The following ABCB5 variants were observed in gnomAD, a reference collection of about 807,000 sequenced individuals.
ABCB5 encodes the protein ATP binding cassette subfamily B member 5.
ABCB5 carries 155 observed loss-of-function variants against 144.2 expected under a neutral mutation model. The ratio of observed to expected loss-of-function variants is 1.08; its 90% CI spans 0.94 to 1.23. The LOEUF (loss-of-function observed/expected upper bound fraction) is 1.23, where lower values mean the gene tolerates loss of function less well. Among genes scored for constraint, ABCB5 ranks in the 50% most tolerant of loss-of-function variants. The pLI, the probability that ABCB5 is intolerant of heterozygous loss-of-function variation, is 0.00. For synonymous variants in ABCB5, 610 were observed against 528.6 expected (o/e 1.15, Z -2.11); for missense variants, 1,830 against 1,520.8 (o/e 1.20, Z -3.38).
At chr7:20,668,436 C>T (rs1483198479) in intron 14 of ABCB5, among the ~76,000 whole-genome samples, 6 of 151,292 alleles carry the variant, frequency 4.0e-5, no homozygotes, top group African/African-American at 9.7e-5. Flanking sequence ...AGGTGAGGAG[C>T]GTCTCTGCCC....
chr7:20,737,764 C>G (rs574783977), intron 23 of ABCB5, among the ~76,000 whole-genome samples: 1 of 150,226 alleles, frequency 6.7e-6, no homozygotes, highest in African/African-American at 2.4e-5. Context: ...AAAAAAAAAA[C>G]CTTCTGATTT....
chr7:20,645,915 T>C (rs771985104), intron 8 of ABCB5, 35 bp downstream of exon 8: 2 of 1,612,624 alleles, frequency 1.2e-6, no homozygotes, highest in South Asian at 2.2e-5. Context: ...ATATGCTTGG[T>C]TTTATTTTCC....
intron 27 of ABCB5, among the ~76,000 whole-genome samples, chr7:20,753,764 C>G (rs192757885): frequency 2.6e-5 from 4 of 152,096 alleles, no homozygotes; most frequent in Non-Finnish European, 5.9e-5. Flanking sequence ...AAAAGTGGAC[C>G]AATTTTCAAA....
chr7:20,621,779 G>A (rs911273994), intron 1 of ABCB5, among the ~76,000 whole-genome samples: 1 of 152,134 alleles, frequency 6.6e-6, no homozygotes, highest in African/African-American at 2.4e-5. Context: ...TCAACGCCTT[G>A]CGTAAAGTAT....
In ABCB5 at chr7:20,704,720, C is replaced by G. The variant is rs1297243633; in HGVS notation, c.2338-4C>G. Reference sequence around the variant, plus strand: ...AACCATATGTTAATTCTCCTTTTCTCTAGGATATTGCCTGGTTTGATGAAA... The same window carrying G: ...AACCATATGTTAATTCTCCTTTTCTGTAGGATATTGCCTGGTTTGATGAAA... On this transcript the variant is annotated splice_polypyrimidine_tract_variant and splice_region_variant and intron_variant, in intron 19 of 27. Coordinates refer to ENST00000404938, the MANE Select transcript of ABCB5 (RefSeq NM_001163941.2). 18 of 1,611,804 alleles carry G rather than the reference C, an allele frequency of 1.1e-5. No homozygotes were observed. The highest frequency in any genetic ancestry group is 1.5e-5 in the Non-Finnish European group (18 of 1,178,762).
At position 20,753,343 on chromosome 7, in the gene ABCB5, G is replaced by A. The variant is rs1164720980; in HGVS notation, c.3430-17G>A. ...ATAACCAAGACTTGCTTTCTTAATT[G>A]CATGCTCCTGTGATAGAAATACAAC... On this transcript the variant is annotated splice_polypyrimidine_tract_variant and intron_variant, in intron 26 of 27. Coordinates refer to ENST00000404938, the MANE Select transcript of ABCB5 (RefSeq NM_001163941.2). 5.6e-6 allele frequency: 9 copies of A among 1,593,712 alleles called. No homozygotes were observed. Among genetic ancestry groups the A allele is most frequent in the Non-Finnish European group, 6.9e-6 (8 of 1,167,412 alleles).
rs201748536 is a variant in ABCB5 at position 20,681,682 on chromosome 7, C to G, written c.1869+16C>G. The stretch of plus-strand genomic sequence containing the variant: ...GATGTCACAGGTAATGCTTATGTGA[C>G]ATAATGCTATGTCAGCAGGGTTTAA... On this transcript the variant is annotated intron_variant, in intron 15 of 27. Coordinates refer to ENST00000404938, the MANE Select transcript of ABCB5 (RefSeq NM_001163941.2). 3.1e-6 allele frequency: 5 copies of G among 1,610,116 alleles called. No homozygotes were observed. Among genetic ancestry groups the G allele is most frequent in the African/African-American group, 1.3e-5 (1 of 74,940 alleles).
chr7:20,619,824 T>A (rs916466134), intron 1 of ABCB5, among the ~76,000 whole-genome samples: 1 of 152,262 alleles, frequency 6.6e-6, no homozygotes, highest in African/African-American at 2.4e-5. Flanking sequence ...TACATTTAAA[T>A]CTTTAATCAA....
intron 23 of ABCB5, among the ~76,000 whole-genome samples, 154 bp from the exon 24 acceptor site, chr7:20,738,829 T>C (rs1782469514): frequency 6.6e-6 from 1 of 152,228 alleles, no homozygotes; most frequent in Non-Finnish European, 1.5e-5. Flanking sequence ...GTAGAAATTT[T>C]TTAAAGAGAT....
intron 21 of ABCB5, among the ~76,000 whole-genome samples, chr7:20,723,735 T>C (rs1781946710): frequency 6.6e-6 from 1 of 152,192 alleles, no homozygotes; most frequent in East Asian, 1.9e-4. Flanking sequence ...AATAATCAAA[T>C]TTTCTTGAGC....
Position 20,681,662 on chromosome 7 carries a change from C to G in ABCB5, c.1865C>G (p.Ser622Ter), listed in dbSNP as rs1382732420. Residue 622 changes from serine (S) to a stop codon, truncating the protein, a stop_gained, in exon 15 of 28, where the codon TCA (serine) becomes TGA (stop). Transcript: ENST00000404938. LOFTEE classifies it high-confidence loss of function. ...KRGLYYSLVM[S>*]QDIKKADEQM... ...GGTCTATATTATTCACTTGTGATGT[C>G]ACAGGTAATGCTTATGTGACATAAT... 4 of 1,613,626 alleles carry G rather than the reference C, an allele frequency of 2.5e-6. No individual in the cohort carries two copies. Among genetic ancestry groups the G allele is most frequent in the Non-Finnish European group, 3.4e-6 (4 of 1,179,802 alleles).
intron 24 of ABCB5, among the ~76,000 whole-genome samples, chr7:20,739,970 G>A (rs1042223777): frequency 7.2e-5 from 11 of 152,134 alleles, no homozygotes; most frequent in South Asian, 4.1e-4. Flanking sequence ...GGTGGCTCAC[G>A]CCTGTAATCC....
chr7:20,657,809 A>G (rs932546442), intron 13 of ABCB5, among the ~76,000 whole-genome samples: 3 of 152,302 alleles, frequency 2.0e-5, no homozygotes, highest in African/African-American at 7.2e-5. Context: ...GTGAAGATCA[A>G]TCTCTAGAAA....
At chr7:20,636,862 T>G (rs1784169892) in intron 5 of ABCB5, among the ~76,000 whole-genome samples, 1 of 151,872 alleles carries the variant, frequency 6.6e-6, no homozygotes, top group Non-Finnish European at 1.5e-5. Context: ...ACTATTAATG[T>G]ATTCAGTATG....
At chr7:20,720,943 C>CAAAAAAAAAAAAAAAAAA (rs71020677) in intron 20 of ABCB5, among the ~76,000 whole-genome samples, 1 of 71,062 alleles carries the variant, frequency 1.4e-5, no homozygotes, top group Non-Finnish European at 2.6e-5. Context: ...AACTCTGCCT[C>CAAAAAAAAAAAAAAAAAA]AAAAAAAAAA....
chr7:20,632,210 T>A (rs975823362), intron 5 of ABCB5, 97 bp downstream of exon 5: 2 of 717,360 alleles, frequency 2.8e-6, no homozygotes, highest in Non-Finnish European at 4.5e-6. Flanking sequence ...TGACCATTAA[T>A]ATTACATAAC....
rs765505822 is a variant in ABCB5, at chr7:20,742,873, A to G, written c.3025-4A>G. On this transcript the variant is annotated splice_polypyrimidine_tract_variant and splice_region_variant and intron_variant, in intron 24 of 27. Transcript: ENST00000404938. ...TTCTCAACTCTGTCAACTTCCTTTC[A>G]CAGGACACATGTGAAGGGAATTTAG... 3 of 1,613,982 alleles carry G rather than the reference A, an allele frequency of 1.9e-6. No homozygotes were observed. In the Middle Eastern group the frequency reaches 5.0e-4, roughly 270 times the overall value.
At chr7:20,730,120 C>G (rs549862736) in intron 23 of ABCB5, among the ~76,000 whole-genome samples, 1 of 152,320 alleles carries the variant, frequency 6.6e-6, no homozygotes, top group Admixed American at 6.5e-5. Context: ...ACCCAGTATT[C>G]CTAAATCTTA....
rs149986314 is a variant in ABCB5, at chr7:20,629,145, CGTGTGTGTGTGT to C, written c.259+336_259+347del. On this transcript the variant is annotated intron_variant, in intron 4 of 27. Coordinates refer to ENST00000404938, the MANE Select transcript of ABCB5 (RefSeq NM_001163941.2). ...TAGAAACAAAGAGAGAGAGAGACTGCGTGTGTGTGTGTGTGTGTGTGTGTGTGTGTGTGTGTG... is the reference window on the plus strand; with the variant it reads ...TAGAAACAAAGAGAGAGAGAGACTGCGTGTGTGTGTGTGTGTGTGTGTGTG... Among the ~76,000 whole-genome samples, 14 of 135,162 alleles carry C rather than the reference CGTGTGTGTGTGT, an allele frequency of 1.0e-4. No individual in the cohort carries two copies. The East Asian group carries it at 1.3e-3, about 13-fold the overall frequency. 88.7% of individuals were successfully genotyped at this position (135,162 alleles called of 152,430 possible).
Sources: gnomAD v4.1 joint callset for allele counts (sites outside exome capture counted in the v4.1 genomes callset) on GRCh38, gnomAD v4.1.1 for gene constraint, MANE v1.5 for transcripts, NCBI Gene and HGNC (gene_info 2026-07-23, HGNC 2026-07-21) for gene names.